Variants in ADGRV1 observed in about 807,000 individuals in gnomAD.
ADGRV1 encodes the protein G-protein coupled receptor 98.
Under a neutral mutation model 596.2 loss-of-function variants are expected in ADGRV1, and 359 were observed. The ratio of observed to expected loss-of-function variants is 0.60; its 90% CI spans 0.55 to 0.66. The LOEUF is 0.66. Among genes scored for constraint, ADGRV1 ranks in the 30% least tolerant of loss-of-function variants. The probability of loss-of-function intolerance (pLI) is 0.00; values close to 1 mark genes in which losing one functional copy is unlikely to be tolerated. For synonymous variants in ADGRV1, 2,681 were observed against 2,679.2 expected, an observed-to-expected ratio of 1.00 and a Z score of -0.02; for missense variants, 7,274 against 7,575.6, an observed-to-expected ratio of 0.96 and a Z score of 1.48.
At chr5:91,157,453 CT>C (rs997017692) in intron 89 of ADGRV1, among the ~76,000 whole-genome samples, 4 of 151,770 alleles carry the variant, frequency 2.6e-5, no homozygotes, top group African/African-American at 4.8e-5. Context: ...TGTGAACAGG[CT>C]TTTTTTTATA....
Position 91,050,087 on chromosome 5 carries a change from G to A in ADGRV1, c.18153-22360G>A, listed in dbSNP as rs1786180621. ...AAAATAATTAACTATACCAATCTGG[G>A]TACTTGTGCTGACACTAAGGGTCTA... On this transcript the variant is annotated intron_variant, in intron 85 of 89. Transcript: ENST00000405460. 2.0e-5 allele frequency among the ~76,000 whole-genome samples: 3 copies of A among 152,164 alleles called. No individual in the cohort carries two copies. In the South Asian group the frequency reaches 6.2e-4, roughly 32 times the overall value.
rs370544849 is a variant in ADGRV1, at chr5:90,732,245, C to A, written c.10549+2481C>A. 3.1e-4 allele frequency among the ~76,000 whole-genome samples: 47 copies of A among 152,270 alleles called. No homozygotes were observed. In the South Asian group the frequency reaches 9.8e-3, roughly 32 times the overall value. On this transcript the variant is annotated intron_variant, in intron 50 of 89. Transcript: ENST00000405460. ...TCTTGAGCTCCAGGCTTCAGGAGAT[C>A]CTCCTGCCTCAAAGTGCTGGGATTA...
At chr5:91,054,798 A>T (rs1367652344) in intron 85 of ADGRV1, among the ~76,000 whole-genome samples, 1 of 152,178 alleles carries the variant, frequency 6.6e-6, no homozygotes, top group Non-Finnish European at 1.5e-5. Context: ...TTTTGGGAAG[A>T]TACAAACATT....
At chr5:90,781,316 CT>C in intron 64 of ADGRV1, 113 bp from the exon 65 acceptor site, 1 of 785,164 alleles carries the variant, frequency 1.3e-6, no homozygotes, top group African/African-American at 1.7e-5. Context: ...TATTGCAGTA[CT>C]TTATAGAACT....
chr5:90,993,645 T>C (rs1432453811), intron 85 of ADGRV1, among the ~76,000 whole-genome samples: 3 of 152,194 alleles, frequency 2.0e-5, no homozygotes, highest in Non-Finnish European at 4.4e-5. Flanking sequence ...GAGTAGAATT[T>C]GTTGGGTCAT....
rs143377609 is a variant in ADGRV1 at position 90,651,237 on chromosome 5, A to G, written c.3290-367A>G. On this transcript the variant is annotated intron_variant, in intron 17 of 89. Coordinates refer to ENST00000405460, the MANE Select transcript of ADGRV1 (RefSeq NM_032119.4). ...AAAAGAATCCACCTAAGAAATTTGA[A>G]AATAGAAGAAATTATGTTTTTAATT... is the stretch of plus-strand genomic sequence containing the variant. Among the ~76,000 whole-genome samples the G allele has an allele frequency of 2.4e-4, 36 of 152,296 alleles. No individual in the cohort carries two copies. In the East Asian group the frequency reaches 5.6e-3, roughly 24 times the overall value.
intron 83 of ADGRV1, among the ~76,000 whole-genome samples, chr5:90,881,511 G>A (rs948603797): frequency 2.0e-5 from 3 of 151,766 alleles, no homozygotes; most frequent in Admixed American, 2.0e-4. Context: ...TTTTAATCTT[G>A]TATTTTTCCA....
At chr5:90,966,530 C>CAAAAAAAAAAAAA in intron 84 of ADGRV1, among the ~76,000 whole-genome samples, 1 of 100,728 alleles carries the variant, frequency 9.9e-6, no homozygotes, top group Non-Finnish European at 1.9e-5. Context: ...GAAACTCTGC[C>CAAAAAAAAAAAAA]AAAAAAAAAA....
chr5:90,649,580 C>T (rs1295964924), intron 17 of ADGRV1, among the ~76,000 whole-genome samples: 1 of 151,994 alleles, frequency 6.6e-6, no homozygotes, highest in African/African-American at 2.4e-5. Context: ...CCTCTGCCTC[C>T]TAGGTTCAAG....
intron 48 of ADGRV1, among the ~76,000 whole-genome samples, chr5:90,727,969 A>G (rs1752024778): frequency 6.6e-6 from 1 of 152,202 alleles, no homozygotes. Flanking sequence ...CTCATTTTAT[A>G]CTTATACATT....
At chr5:91,159,773 G>C (rs1010640718) in intron 89 of ADGRV1, among the ~76,000 whole-genome samples, 4 of 152,028 alleles carry the variant, frequency 2.6e-5, no homozygotes, top group Non-Finnish European at 5.9e-5. Flanking sequence ...AGGAGAATGG[G>C]AACAGTCACC....
intron 79 of ADGRV1, 112 bp downstream of exon 79, chr5:90,848,933 T>C (rs1032559054): frequency 1.4e-6 from 1 of 710,894 alleles, no homozygotes; most frequent in Non-Finnish European, 2.2e-6. Flanking sequence ...AATGATACAG[T>C]CAATGCATTG....
At chr5:90,853,877 G>A (rs1055031645) in intron 80 of ADGRV1, among the ~76,000 whole-genome samples, 185 bp from the exon 81 acceptor site, 4 of 151,990 alleles carry the variant, frequency 2.6e-5, no homozygotes, top group Non-Finnish European at 5.9e-5. Context: ...TGGCTAAGGC[G>A]GGGTAGAAAG....
chr5:90,853,294 A>G lies in ADGRV1; in HGVS notation c.17215A>G (p.Ile5739Val), dbSNP rs747089219. ...CGSPGEKSKT[I>V]LDSCPYLSIL... ...GCTTTTCTGTTGTAGAAGCAAAACC[A>G]TCCTTGATAGTTGCCCATATTTGTC... The change falls in exon 80 of 90, where the codon ATC (isoleucine) becomes GTC (valine). Residue 5739 changes from isoleucine to valine, a missense_variant. This residue lies in a region of ADGRV1 where 1,874 missense variants were observed against 1,970.2 expected (regional missense o/e 0.95). Coordinates refer to ENST00000405460, the MANE Select transcript of ADGRV1 (RefSeq NM_032119.4). The G allele has an allele frequency of 2.5e-6, 4 of 1,607,760 alleles. No individual in the cohort carries two copies. The highest frequency in any genetic ancestry group is 1.1e-5 in the South Asian group (1 of 90,212).
rs577865136 is a variant in ADGRV1, at chr5:90,791,578, T to C, written c.14517+232T>C. 3.8e-5 allele frequency: 19 copies of C among 502,352 alleles called. No individual in the cohort carries two copies. The East Asian group carries it at 5.3e-4, about 14-fold the overall frequency. 31.1% of individuals were successfully genotyped at this position (502,352 alleles called of 1,614,324 possible). On this transcript the variant is annotated intron_variant, in intron 70 of 89. Coordinates refer to ENST00000405460, the MANE Select transcript of ADGRV1 (RefSeq NM_032119.4). Reference sequence around the variant, plus strand: ...TTGTGTAGAAAGTAACAGACACTTATTTAATACTTACAAAGTTCTAGGAAA... The same window carrying C: ...TTGTGTAGAAAGTAACAGACACTTACTTAATACTTACAAAGTTCTAGGAAA...
chr5:90,763,613 A>T (rs1756755394), intron 59 of ADGRV1, 144 bp downstream of exon 59: 3 of 707,218 alleles, frequency 4.2e-6, no homozygotes, highest in Non-Finnish European at 6.6e-6. Flanking sequence ...GCTTCTAGTG[A>T]GCCCATAACC....
intron 59 of ADGRV1, among the ~76,000 whole-genome samples, chr5:90,772,756 A>G (rs1430317997): frequency 6.6e-6 from 1 of 152,238 alleles, no homozygotes; most frequent in African/African-American, 2.4e-5. Context: ...TACTGTACAT[A>G]TAAAGAAGTA....
rs189049650 is a variant in ADGRV1 at position 90,632,670 on chromosome 5, G to T, written c.1840-2444G>T. On this transcript the variant is annotated intron_variant, in intron 9 of 89. Coordinates refer to ENST00000405460, the MANE Select transcript of ADGRV1 (RefSeq NM_032119.4). ...ATAAACATGACAATTAATTTTTGAT[G>T]ACACTTGAAAGCTAAGAAAAAAGTT... Among the ~76,000 whole-genome samples, 54 of 152,276 alleles carry T rather than the reference G, an allele frequency of 3.5e-4. No individual in the cohort carries two copies. In the East Asian group the frequency reaches 9.4e-3, roughly 27 times the overall value.
intron 1 of ADGRV1, among the ~76,000 whole-genome samples, chr5:90,580,460 A>T (rs1757866187): frequency 6.6e-6 from 1 of 151,826 alleles, no homozygotes; most frequent in African/African-American, 2.4e-5. Flanking sequence ...GTCTTTTCAC[A>T]TAGTCCCATA....
Sources: gnomAD v4.1 joint callset for allele counts (sites outside exome capture counted in the v4.1 genomes callset) on GRCh38, gnomAD v4.1.1 for gene constraint, gnomAD v4.1.1 regional missense constraint, MANE v1.5 for transcripts, NCBI Gene and HGNC (gene_info 2026-07-23, HGNC 2026-07-21) for gene names.